DAB1: variants seen among roughly 807,000 people sequenced by gnomAD.
DAB1 encodes the protein DAB adaptor protein 1.
A neutral mutation model predicts 64.6 loss-of-function variants in DAB1; 15 were observed. The ratio of observed to expected loss-of-function variants is 0.23; its 90% CI spans 0.16 to 0.36. The LOEUF is 0.36. DAB1 is among the 10% of genes least tolerant of loss of function. The pLI, the probability that DAB1 is intolerant of heterozygous loss-of-function variation, is 1.00. For synonymous variants in DAB1, 235 were observed against 251.9 expected, an observed-to-expected ratio of 0.93 and a Z score of 0.64; for missense variants, 596 against 706.7, an observed-to-expected ratio of 0.84 and a Z score of 1.78.
At chr1:57,801,760 C>T (rs533754476) in intron 6 of DAB1, among the ~76,000 whole-genome samples, 241 of 152,134 alleles carry the variant, frequency 1.6e-3, no homozygotes, top group Middle Eastern at 3.4e-3. Context: ...TGGGTTCAGG[C>T]GATCCTCCGG....
intron 7 of DAB1, among the ~76,000 whole-genome samples, chr1:57,624,040 T>C (rs922571811): frequency 6.6e-6 from 1 of 152,194 alleles, no homozygotes; most frequent in African/African-American, 2.4e-5. Flanking sequence ...AGAGTCTCTC[T>C]GGGGACCCCA....
At position 57,287,804 on chromosome 1, in the gene DAB1, T is replaced by TTATTTATTTATTTATC. The variant is rs1210409814; in HGVS notation, c.67+3159_67+3160insGATAAATAAATAAATA. ...TTTATTTATTTATTTATTTATTTAT[T>TTATTTATTTATTTATC]TATTTATTTGAGACGGAGTCTCATT... is the stretch of plus-strand genomic sequence containing the variant. On this transcript the variant is annotated intron_variant, in intron 2 of 14. Transcript: ENST00000371236. Among the ~76,000 whole-genome samples, 254 of 148,784 alleles carry TTATTTATTTATTTATC rather than the reference T, an allele frequency of 1.7e-3. 1 individual carries two copies. Among genetic ancestry groups the TTATTTATTTATTTATC allele is most frequent in the African/African-American group, 6.0e-3 (248 of 41,092 alleles).
At chr1:57,654,125 T>C (rs372772705) in intron 6 of DAB1, among the ~76,000 whole-genome samples, 36 of 152,364 alleles carry the variant, frequency 2.4e-4, no homozygotes, top group African/African-American at 8.7e-4. Flanking sequence ...TAATTGGCCA[T>C]TTAGGTTTTC....
intron 5 of DAB1, among the ~76,000 whole-genome samples, chr1:58,035,892 G>A (rs1435494766): frequency 6.6e-6 from 1 of 152,212 alleles, no homozygotes; most frequent in Non-Finnish European, 1.5e-5. Flanking sequence ...ATCTCAGCTT[G>A]AAGGGCTGCT....
intron 7 of DAB1, among the ~76,000 whole-genome samples, chr1:57,502,951 A>C (rs1644306696): frequency 6.6e-6 from 1 of 152,246 alleles, no homozygotes; most frequent in Non-Finnish European, 1.5e-5. Flanking sequence ...CATTATGTAC[A>C]TTAACTCTTC....
intron 7 of DAB1, among the ~76,000 whole-genome samples, chr1:57,516,805 C>T (rs1251874749): frequency 6.6e-6 from 1 of 152,150 alleles, no homozygotes; most frequent in Non-Finnish European, 1.5e-5. Context: ...GAATGCTTTC[C>T]CCATCACCTG....
chr1:58,494,918 G>T lies in DAB1; in HGVS notation n.257+11142C>A, dbSNP rs1410698792. ...ATTTGACCCAGCCATCGCATTACTG[G>T]GTATATACCTAAAGGATTATAAATC... On this transcript the variant is annotated intron_variant and non_coding_transcript_variant, in intron 3 of 20. Transcript: ENST00000485760. Among the ~76,000 whole-genome samples, 3 of 152,048 alleles carry T rather than the reference G, an allele frequency of 2.0e-5. No homozygotes were observed. In the East Asian group the frequency reaches 5.8e-4, roughly 29 times the overall value.
chr1:57,551,144 A>G (rs1162624264), intron 7 of DAB1, among the ~76,000 whole-genome samples: 1 of 152,216 alleles, frequency 6.6e-6, no homozygotes, highest in Non-Finnish European at 1.5e-5. Flanking sequence ...TCTTGACAAT[A>G]GCACGTTCGT....
chr1:57,559,531 T>C (rs1236882785), intron 7 of DAB1, among the ~76,000 whole-genome samples: 1 of 152,162 alleles, frequency 6.6e-6, no homozygotes, highest in Non-Finnish European at 1.5e-5. Flanking sequence ...GGACACCGGC[T>C]CTTAGCTGAT....
intron 6 of DAB1, among the ~76,000 whole-genome samples, chr1:57,744,173 G>A (rs1648148271): frequency 6.6e-6 from 1 of 152,204 alleles, no homozygotes; most frequent in African/African-American, 2.4e-5. Flanking sequence ...ACATGACTCT[G>A]AGAAGCAGGT....
intron 7 of DAB1, among the ~76,000 whole-genome samples, chr1:57,648,504 G>A (rs1435318114): frequency 1.3e-5 from 2 of 152,176 alleles, no homozygotes; most frequent in Non-Finnish European, 2.9e-5. Flanking sequence ...TCACTTAAAT[G>A]AGTAATGATA....
chr1:57,887,152 C>G (rs541738116), upstream of DAB1, among the ~76,000 whole-genome samples: 2 of 152,118 alleles, frequency 1.3e-5, no homozygotes, highest in Non-Finnish European at 2.9e-5. Context: ...TATGCAAAGC[C>G]TTCTTTGGTA....
At chr1:57,426,019 G>A (rs1365060514), upstream of DAB1, among the ~76,000 whole-genome samples, 2 of 152,170 alleles carry the variant, frequency 1.3e-5, no homozygotes, top group African/African-American at 4.8e-5. Flanking sequence ...AACAGGGGAA[G>A]GGAGGGTAAA....
intron 3 of DAB1, chr1:58,481,018 T>C: frequency 1.1e-6 from 1 of 871,864 alleles, no homozygotes; most frequent in Non-Finnish European, 2.0e-6. Flanking sequence ...TGCTCCTGTT[T>C]TTGAATAGGA....
At chr1:57,744,751 T>C (rs1371040132) in intron 6 of DAB1, among the ~76,000 whole-genome samples, 1 of 152,084 alleles carries the variant, frequency 6.6e-6, no homozygotes, top group Non-Finnish European at 1.5e-5. Flanking sequence ...CACTGGCAGG[T>C]GTGAGGCGTG....
At chr1:58,495,684 C>T (rs534866521) in intron 3 of DAB1, among the ~76,000 whole-genome samples, 3 of 150,828 alleles carry the variant, frequency 2.0e-5, no homozygotes, top group Admixed American at 6.6e-5. Flanking sequence ...GTTTCATTTG[C>T]TAAGGATCTT....
chr1:57,043,430 T>TA (rs1242880833), intron 9 of DAB1, among the ~76,000 whole-genome samples: 1 of 152,220 alleles, frequency 6.6e-6, no homozygotes, highest in Non-Finnish European at 1.5e-5. Flanking sequence ...TCCCTGAACA[T>TA]ATCCCAAAGC....
At chr1:57,689,070 T>A (rs2101710256) in intron 6 of DAB1, among the ~76,000 whole-genome samples, 1 of 152,138 alleles carries the variant, frequency 6.6e-6, no homozygotes, top group South Asian at 2.1e-4. Context: ...AAAATAAAAG[T>A]TGAAATTATT....
intron 4 of DAB1, among the ~76,000 whole-genome samples, chr1:58,260,673 C>T (rs1177967919): frequency 2.0e-5 from 3 of 152,196 alleles, no homozygotes; most frequent in Non-Finnish European, 4.4e-5. Flanking sequence ...TTTTCTAATG[C>T]CTTGTGTTAT....
Sources: allele counts gnomAD v4.1 joint callset (sites outside exome capture counted in the v4.1 genomes callset), GRCh38; gene constraint gnomAD v4.1.1; transcripts MANE v1.5; gene names NCBI Gene and HGNC (gene_info 2026-07-23, HGNC 2026-07-21).